Variants in GTF2IRD1 observed in about 807,000 individuals in gnomAD.
GTF2IRD1 encodes general transcription factor II-I repeat domain-containing protein 1.
In GTF2IRD1, 26 loss-of-function variants were observed where a neutral mutation model predicts 113.2. The observed-to-expected ratio is 0.23, with a 90% CI of 0.17 to 0.32. The LOEUF is 0.32. Among genes scored for constraint, GTF2IRD1 ranks in the 10% least tolerant of loss-of-function variants. GTF2IRD1 has a pLI of 1.00. For synonymous variants in GTF2IRD1, 484 were observed against 529.1 expected (o/e 0.91, Z 1.17); for missense variants, 864 against 1,280.8 (o/e 0.67, Z 4.97).
intron 1 of GTF2IRD1, among the ~76,000 whole-genome samples, chr7:74,464,021 G>A (rs1691869987): frequency 6.6e-6 from 1 of 152,182 alleles, no homozygotes; most frequent in East Asian, 1.9e-4. Context: ...ACCGCGCCCT[G>A]CCCTAGGACC....
At chr7:74,589,766 G>T in intron 22 of GTF2IRD1, 85 bp from the exon 23 acceptor site, 1 of 800,708 alleles carries the variant, frequency 1.2e-6, no homozygotes, top group Non-Finnish European at 2.2e-6. Context: ...TGTTTTGGCA[G>T]ATCAGGGACG....
chr7:74,458,082 T>G (rs1182207492), intron 1 of GTF2IRD1, among the ~76,000 whole-genome samples: 1 of 151,666 alleles, frequency 6.6e-6, no homozygotes, highest in Non-Finnish European at 1.5e-5. Flanking sequence ...TGTTGGCCAG[T>G]CTGGTCTAGA....
intron 25 of GTF2IRD1, among the ~76,000 whole-genome samples, chr7:74,597,772 A>T (rs758760128): frequency 3.7e-4 from 57 of 152,356 alleles, no homozygotes; most frequent in Admixed American, 6.5e-4. Context: ...CCCAGGCCAC[A>T]TAGTGAGTCA....
At chr7:74,530,020 G>C (rs1425426715) in intron 9 of GTF2IRD1, 103 bp downstream of exon 9, 4 of 788,880 alleles carry the variant, frequency 5.1e-6, no homozygotes, top group Non-Finnish European at 8.1e-6. Context: ...GACCAGCCTG[G>C]TCAACATGGC....
At chr7:74,484,759 G>GTC (rs1794928920) in intron 1 of GTF2IRD1, among the ~76,000 whole-genome samples, 1 of 152,172 alleles carries the variant, frequency 6.6e-6, no homozygotes, top group African/African-American at 2.4e-5. Flanking sequence ...CACCCAGCCT[G>GTC]TCTTTCCTTT....
At chr7:74,481,114 G>A (rs1034527776) in intron 1 of GTF2IRD1, among the ~76,000 whole-genome samples, 6 of 152,198 alleles carry the variant, frequency 3.9e-5, no homozygotes, top group African/African-American at 1.4e-4. Flanking sequence ...AGCTGTGTTG[G>A]ATGGTTGGTT....
At chr7:74,528,273 C>T (rs782261972) in intron 8 of GTF2IRD1, among the ~76,000 whole-genome samples, 1 of 152,170 alleles carries the variant, frequency 6.6e-6, no homozygotes, top group Non-Finnish European at 1.5e-5. Flanking sequence ...TGTAGTGGTG[C>T]AATCACAGCT....
At chr7:74,503,641 G>A (rs1178944396) in intron 1 of GTF2IRD1, among the ~76,000 whole-genome samples, 1 of 152,088 alleles carries the variant, frequency 6.6e-6, no homozygotes, top group African/African-American at 2.4e-5. Flanking sequence ...CCCAGCTACG[G>A]GGGAGGCTGA....
chr7:74,516,267 T>C (rs1258387111), intron 4 of GTF2IRD1, among the ~76,000 whole-genome samples: 1 of 152,248 alleles, frequency 6.6e-6, no homozygotes, highest in Non-Finnish European at 1.5e-5. Context: ...GCACCCACAG[T>C]GCCCTGTCCC....
chr7:74,521,580 A>G (rs1488619970), intron 7 of GTF2IRD1, among the ~76,000 whole-genome samples: 1 of 152,020 alleles, frequency 6.6e-6, no homozygotes, highest in Non-Finnish European at 1.5e-5. Context: ...TGGGCAATGT[A>G]GCGAAATGCT....
intron 25 of GTF2IRD1, among the ~76,000 whole-genome samples, chr7:74,598,570 C>T (rs1412398378): frequency 6.6e-6 from 1 of 151,840 alleles, no homozygotes; most frequent in African/African-American, 2.4e-5. Flanking sequence ...GAGCTGAGAT[C>T]ACACTACTGT....
In GTF2IRD1 at chr7:74,555,934, G is replaced by A. The variant is rs188035632; in HGVS notation, c.2023+440G>A. 2.0e-4 allele frequency among the ~76,000 whole-genome samples: 30 copies of A among 152,174 alleles called. No individual in the cohort carries two copies. Among genetic ancestry groups the A allele is most frequent in the Admixed American group, 1.9e-3 (29 of 15,260 alleles). On this transcript the variant is annotated intron_variant, in intron 19 of 26. Coordinates refer to ENST00000424337, the MANE Select transcript of GTF2IRD1 (RefSeq NM_005685.4). The surrounding 1 kb of genome is among the most constrained non-coding windows in gnomAD (Gnocchi z 5.3). ...GACAAGCCTGGACAACATAGAACCC[G>A]TCTCTATGTCTATTTTTAAGAAAAG...
At chr7:74,550,326 A>T (rs1799231511) in intron 17 of GTF2IRD1, among the ~76,000 whole-genome samples, 1 of 152,166 alleles carries the variant, frequency 6.6e-6, no homozygotes, top group Non-Finnish European at 1.5e-5. Context: ...ATAGTACAGT[A>T]ATTGGCTCTA....
chr7:74,470,502 C>A lies in GTF2IRD1; in HGVS notation c.-7+16326C>A, dbSNP rs74608486. The stretch of plus-strand genomic sequence containing the variant: ...TTTTTGATAGCTTATTTATAACATT[C>A]AGCCTTCACCTACCATATGACTAGG... On this transcript the variant is annotated intron_variant, in intron 1 of 26. Transcript: ENST00000424337. 7.7e-3 allele frequency among the ~76,000 whole-genome samples: 1,174 copies of A among 152,234 alleles called. 13 individuals are homozygous for A. Among genetic ancestry groups the A allele is most frequent in the African/African-American group, 0.026 (1,088 of 41,544 alleles).
chr7:74,475,755 C>T (rs975632279), intron 1 of GTF2IRD1, among the ~76,000 whole-genome samples: 1 of 152,212 alleles, frequency 6.6e-6, no homozygotes, highest in Non-Finnish European at 1.5e-5. Flanking sequence ...TGCATGCGCA[C>T]ACCCAGCTAC....
At chr7:74,533,441 A>G (rs782181609) in intron 9 of GTF2IRD1, among the ~76,000 whole-genome samples, 8 of 152,118 alleles carry the variant, frequency 5.3e-5, no homozygotes, top group Non-Finnish European at 8.8e-5. Flanking sequence ...GGCTGGTTCC[A>G]TGCATCTTAC....
chr7:74,601,337 C>A, intron 26 of GTF2IRD1, 157 bp downstream of exon 26: 1 of 1,534,886 alleles, frequency 6.5e-7, no homozygotes, highest in East Asian at 2.4e-5. Flanking sequence ...GATGCATCCA[C>A]CTGTCTCACC....
At chr7:74,487,856 AG>A (rs1795116210) in intron 1 of GTF2IRD1, among the ~76,000 whole-genome samples, 2 of 152,270 alleles carry the variant, frequency 1.3e-5, no homozygotes, top group African/African-American at 4.8e-5. Context: ...CATTTTTAAA[AG>A]AATTACTTAT....
intron 16 of GTF2IRD1, 36 bp downstream of exon 16, chr7:74,545,845 C>T (rs782055833): frequency 3.3e-6 from 5 of 1,493,592 alleles, no homozygotes; most frequent in Admixed American, 1.7e-5. Context: ...GGGGGCATCC[C>T]GGCCCCCCTC....
Sources: gnomAD v4.1 joint callset for allele counts (sites outside exome capture counted in the v4.1 genomes callset) on GRCh38, gnomAD v4.1.1 for gene constraint, Gnocchi (gnomAD v3.1) non-coding constraint, MANE v1.5 for transcripts, NCBI Gene and HGNC (gene_info 2026-07-23, HGNC 2026-07-21) for gene names.